Variants in CLASRP observed in about 807,000 individuals in gnomAD.
CLASRP encodes the protein CLK4 associating serine/arginine rich protein.
In CLASRP, 52 loss-of-function variants were observed where a neutral mutation model predicts 99.9. The observed-to-expected ratio is 0.52, with a 90% CI of 0.42 to 0.66. The LOEUF (loss-of-function observed/expected upper bound fraction) is 0.66. CLASRP is among the 30% of genes least tolerant of loss of function. The pLI is 0.00. For synonymous variants in CLASRP, 379 were observed against 373.0 expected (o/e 1.02, Z -0.18); for missense variants, 848 against 999.2 (o/e 0.85, Z 2.04).
At position 45,057,869 on chromosome 19, in the gene CLASRP, C is replaced by T. The variant is rs780663630; in HGVS notation, c.584C>T (p.Ser195Leu). The T allele has an allele frequency of 2.5e-6, 4 of 1,613,966 alleles. No individual in the cohort carries two copies. Among genetic ancestry groups the T allele is most frequent in the Non-Finnish European group, 3.4e-6 (4 of 1,179,932 alleles). Residue 195 changes from serine (S) to leucine (L), a missense_variant, in exon 7 of 21, where the codon TCG becomes TTG. Physicochemically the swap from Ser to Leu is moderately radical, Grantham distance 145. Coordinates refer to ENST00000221455, the MANE Select transcript of CLASRP (RefSeq NM_007056.3). ...EESAAEEESN[S>L]DEDEVIPDID... is the part of the protein sequence containing the mutation. ...TCAGCGGCCGAGGAGGAGAGCAACT[C>T]GGACGAAGATGAGGTCATCCCCGAC...
chr19:45,059,341 C>T lies in CLASRP; in HGVS notation c.687C>T (p.Gly229=). The T allele has an allele frequency of 6.3e-7, 1 of 1,598,472 alleles. No homozygotes were observed. Among genetic ancestry groups the T allele is most frequent in the Non-Finnish European group, 8.5e-7 (1 of 1,172,064 alleles). Residue 229 remains glycine (G), a synonymous_variant, in exon 8 of 21, where the codon GGC becomes GGT. Coordinates refer to ENST00000221455, the MANE Select transcript of CLASRP (RefSeq NM_007056.3). The part of the protein sequence containing the change: ...ADLNKQATTY[G]MADGDFVRML... ...TCAACAAACAGGCCACGACTTATGGCATGGCCGACGGTGACTTCGTCAGGT... is the reference window on the plus strand; with the variant it reads ...TCAACAAACAGGCCACGACTTATGGTATGGCCGACGGTGACTTCGTCAGGT...
chr19:45,060,771 G>T lies in CLASRP; in HGVS notation c.863+144G>T. ...GGGGCGATGCATGGCCATCGTGAAG[G>T]TTTAGAGGTAGGAACGGCCTTGAGG... On this transcript the variant is annotated intron_variant, in intron 10 of 20. Coordinates refer to ENST00000221455, the MANE Select transcript of CLASRP (RefSeq NM_007056.3). This position sits in a 1 kb window ranked among gnomAD's most constrained non-coding sequence, Gnocchi z 4.6. 5.8e-6 allele frequency: 4 copies of T among 692,046 alleles called. No homozygotes were observed. The highest frequency in any genetic ancestry group is 9.7e-6 in the Non-Finnish European group (4 of 411,260). 42.9% of individuals were successfully genotyped at this position (692,046 alleles called of 1,614,324 possible). A position where few individuals can be genotyped will look rare whatever the true frequency, so the allele number is the denominator to read the frequency against.
intron 20 of CLASRP, 98 bp downstream of exon 20, chr19:45,070,659 C>T: frequency 7.4e-7 from 1 of 1,348,590 alleles, no homozygotes; most frequent in Admixed American, 1.7e-5. Flanking sequence ...CTGTACCCAC[C>T]TCCAGTTGGA....
In CLASRP at chr19:45,064,478, C is replaced by A; in HGVS notation, c.1257C>A (p.Ser419=). ...YRSGRHARSR[S]RSWSRSRSRS... is the part of the protein sequence containing the mutation. ...CCGGCCGCCACGCCCGCTCCCGGTC[C>A]CGCTCCTGGTCCCGCTCCCGCTCCC... Residue 419 remains serine (S), a synonymous_variant, in exon 13 of 21, where the codon TCC becomes TCA. Coordinates refer to ENST00000221455, the MANE Select transcript of CLASRP (RefSeq NM_007056.3). 2 of 1,534,044 alleles carry A rather than the reference C, an allele frequency of 1.3e-6. No individual in the cohort carries two copies. Among genetic ancestry groups the A allele is most frequent in the Non-Finnish European group, 1.7e-6 (2 of 1,144,174 alleles).
rs547537009 is a variant in CLASRP, at chr19:45,044,644, CTG to C, written c.99+4336_99+4337del. The stretch of plus-strand genomic sequence containing the variant: ...ATTAGCCAGGTTTGGTGGCATGCGC[CTG>C]TGGTCCCAGCTACTTGGGAGGCTGA... On this transcript the variant is annotated intron_variant, in intron 2 of 20. Transcript: ENST00000221455. Among the ~76,000 whole-genome samples the C allele has an allele frequency of 2.9e-3, 441 of 152,244 alleles. 3 individuals are homozygous for C. Among genetic ancestry groups the C allele is most frequent in the African/African-American group, 0.01 (428 of 41,558 alleles).
At chr19:45,068,360 TG>T in intron 15 of CLASRP, 59 bp from the exon 16 acceptor site, 7 of 515,430 alleles carry the variant, frequency 1.4e-5, no homozygotes, top group South Asian at 1.1e-4. Flanking sequence ...TTGGCTGAGG[TG>T]GGTTGTGGGA....
intron 2 of CLASRP, among the ~76,000 whole-genome samples, chr19:45,041,422 C>A (rs1283823220): frequency 3.3e-5 from 5 of 152,000 alleles, no homozygotes; most frequent in African/African-American, 1.2e-4. Context: ...ATTTCTGCCA[C>A]CACAGGGCTT....
chr19:45,070,168 CA>C (rs1967203545), intron 19 of CLASRP, 64 bp downstream of exon 19: 12 of 1,078,310 alleles, frequency 1.1e-5, no homozygotes, highest in Non-Finnish European at 1.4e-5. Flanking sequence ...GCAGGGTTAC[CA>C]AAAAAACCAT....
intron 6 of CLASRP, 102 bp downstream of exon 6, chr19:45,056,636 A>G: frequency 1.1e-6 from 1 of 901,814 alleles, no homozygotes; most frequent in Non-Finnish European, 1.8e-6. Flanking sequence ...TCTCCCCGAA[A>G]CCAAGGATGG....
At chr19:45,053,047 G>T (rs76839524) in intron 4 of CLASRP, 51 bp from the exon 5 acceptor site, 71 of 1,603,966 alleles carry the variant, frequency 4.4e-5, no homozygotes, top group Admixed American at 2.0e-4. Flanking sequence ...GCTGGCTTGG[G>T]GGGGGATCCA....
intron 2 of CLASRP, among the ~76,000 whole-genome samples, 164 bp from the exon 3 acceptor site, chr19:45,051,907 G>T (rs1473839514): frequency 6.6e-6 from 1 of 151,956 alleles, no homozygotes; most frequent in Non-Finnish European, 1.5e-5. Context: ...AGCAGAGCTT[G>T]CAGTGAGCCG....
At chr19:45,048,973 G>A (rs373588585) in intron 2 of CLASRP, among the ~76,000 whole-genome samples, 2 of 152,276 alleles carry the variant, frequency 1.3e-5, no homozygotes, top group African/African-American at 4.8e-5. Context: ...GTGACAGAGC[G>A]AGACTCTGTT....
chr19:45,056,630 C>A (rs1972124342), intron 6 of CLASRP, 96 bp downstream of exon 6: 1 of 956,312 alleles, frequency 1.0e-6, no homozygotes, highest in South Asian at 1.3e-5. Flanking sequence ...CCAGGGTCTC[C>A]CCGAAACCAA....
chr19:45,056,586 C>A (rs757371424), intron 6 of CLASRP, 52 bp downstream of exon 6: 6 of 1,459,874 alleles, frequency 4.1e-6, no homozygotes, highest in Non-Finnish European at 5.8e-6. Context: ...GGGCTGGGAG[C>A]CCCAGCCAGG....
Position 45,060,316 on chromosome 19 carries a change from A to G in CLASRP, c.711-73A>G, listed in dbSNP as rs1220179401. ...TGACTCAGGTCCCTCACTTTCTCTGATGACTCAGTCTGTGTCCTCCTTACC... is the reference window on the plus strand; with the variant it reads ...TGACTCAGGTCCCTCACTTTCTCTGGTGACTCAGTCTGTGTCCTCCTTACC... On this transcript the variant is annotated intron_variant, in intron 8 of 20. Transcript: ENST00000221455. The surrounding 1 kb of genome is among the most constrained non-coding windows in gnomAD (Gnocchi z 4.6). The G allele has an allele frequency of 3.6e-6, 5 of 1,390,376 alleles. No homozygotes were observed. Among genetic ancestry groups the G allele is most frequent in the Non-Finnish European group, 5.1e-6 (5 of 977,960 alleles). The allele number at this position is 1,390,376 out of a possible 1,614,324, so 86.1% of individuals were successfully genotyped here.
chr19:45,056,669 C>T, intron 6 of CLASRP, 135 bp downstream of exon 6: 1 of 713,488 alleles, frequency 1.4e-6, no homozygotes, highest in Non-Finnish European at 2.4e-6. Context: ...AGTCAGTGCT[C>T]AATTAATAAC....
rs533889024 is a variant in CLASRP, at chr19:45,049,533, A to G, written c.100-2538A>G. ...ACATAGTGAGTGCGGGGTTGAAACTAGCCAGGTATTAGCTGTGGTCCTGGT... is the reference window on the plus strand; with the variant it reads ...ACATAGTGAGTGCGGGGTTGAAACTGGCCAGGTATTAGCTGTGGTCCTGGT... On this transcript the variant is annotated intron_variant, in intron 2 of 20. Transcript: ENST00000221455. 3.3e-5 allele frequency among the ~76,000 whole-genome samples: 5 copies of G among 152,322 alleles called. No homozygotes were observed. The South Asian group carries it at 1.0e-3, about 32-fold the overall frequency.
At chr19:45,047,727 TTAC>T (rs1448478803) in intron 2 of CLASRP, among the ~76,000 whole-genome samples, 1 of 152,180 alleles carries the variant, frequency 6.6e-6, no homozygotes, top group Non-Finnish European at 1.5e-5. Context: ...GTGGATGTAG[TTAC>T]TACTACTGTA....
Position 45,064,037 on chromosome 19 carries a change from T to C in CLASRP, c.931T>C (p.Ser311Pro), listed in dbSNP as rs199673955. The stretch of plus-strand genomic sequence containing the variant: ...GTCACCCTCGGAGTCCAGCTCAGAG[T>C]CCCGCTCCCGCTCCCGCTCCCCGAC... The part of the protein sequence containing the change: ...KRSPSESSSE[S>P]RSRSRSPTPG... Residue 311 changes from serine to proline, a missense_variant, in exon 12 of 21, where the codon TCC (serine) becomes CCC (proline). Physicochemically the swap from Ser to Pro is moderately conservative, Grantham distance 74 (BLOSUM62 -1). This residue lies in a region of CLASRP where 489 missense variants were observed against 434.7 expected (regional missense o/e 1.12). Transcript: ENST00000221455. 15 of 1,611,360 alleles carry C rather than the reference T, an allele frequency of 9.3e-6. No homozygotes were observed. The Admixed American group carries it at 1.2e-4, about 13-fold the overall frequency.
Sources: gnomAD v4.1 joint callset for allele counts (sites outside exome capture counted in the v4.1 genomes callset) on GRCh38, gnomAD v4.1.1 for gene constraint, gnomAD v4.1.1 regional missense constraint, Gnocchi (gnomAD v3.1) non-coding constraint, MANE v1.5 for transcripts, NCBI Gene and HGNC (gene_info 2026-07-23, HGNC 2026-07-21) for gene names.